TMEM196: variants seen among roughly 807,000 people sequenced by gnomAD.
The protein encoded by TMEM196 is transmembrane protein 196.
A neutral mutation model predicts 20.0 loss-of-function variants in TMEM196; 17 were observed. The ratio of observed to expected loss-of-function variants is 0.85; its 90% confidence interval spans 0.58 to 1.27. The LOEUF is 1.27. Among genes scored for constraint, TMEM196 ranks in the 50% most tolerant of loss-of-function variants. TMEM196 has a pLI of 0.00. For synonymous variants in TMEM196, 113 were observed against 88.9 expected (o/e 1.27, Z -1.52); for missense variants, 267 against 223.0 (o/e 1.20, Z -1.26).
chr7:19,722,473 A>G (rs910082622), intron 4 of TMEM196, among the ~76,000 whole-genome samples: 1 of 152,124 alleles, frequency 6.6e-6, no homozygotes, highest in Non-Finnish European at 1.5e-5. Flanking sequence ...AAGTTTTTCT[A>G]ATGCATAGAC....
At chr7:19,752,582 A>T (rs187387239) in intron 1 of TMEM196, among the ~76,000 whole-genome samples, 1 of 151,290 alleles carries the variant, frequency 6.6e-6, no homozygotes, top group East Asian at 2.0e-4. Context: ...TTCTCGTTCA[A>T]TTTTTTTAAT....
chr7:19,753,840 C>G (rs76846779), intron 1 of TMEM196, among the ~76,000 whole-genome samples: 1,786 of 152,300 alleles, frequency 0.012, 40 homozygotes, highest in African/African-American at 0.041. Flanking sequence ...TGGCCATTCT[C>G]AAGCTCTCAT....
intron 1 of TMEM196, among the ~76,000 whole-genome samples, chr7:19,730,711 T>C (rs1182294246): frequency 2.0e-5 from 3 of 152,204 alleles, no homozygotes; most frequent in South Asian, 2.1e-4. Context: ...TGAGATAATA[T>C]GCATGTGAGA....
chr7:19,751,965 G>C (rs899555911), intron 1 of TMEM196, among the ~76,000 whole-genome samples: 5 of 152,124 alleles, frequency 3.3e-5, no homozygotes, highest in Non-Finnish European at 7.4e-5. Flanking sequence ...TTCAAGGATT[G>C]TAAGTGGACT....
intron 1 of TMEM196, among the ~76,000 whole-genome samples, chr7:19,764,886 C>G (rs1785565194): frequency 6.6e-6 from 1 of 152,056 alleles, no homozygotes; most frequent in African/African-American, 2.4e-5. Context: ...TCCATGTATT[C>G]AAGGGTGGGG....
At chr7:19,760,170 A>G (rs1785380113) in intron 1 of TMEM196, among the ~76,000 whole-genome samples, 1 of 151,962 alleles carries the variant, frequency 6.6e-6, no homozygotes, top group African/African-American at 2.4e-5. Context: ...AACACACCAA[A>G]GCTTTCCTAT....
intron 1 of TMEM196, among the ~76,000 whole-genome samples, chr7:19,735,144 T>C (rs1041696441): frequency 2.0e-5 from 3 of 152,066 alleles, no homozygotes; most frequent in African/African-American, 7.2e-5. Flanking sequence ...GATTAAAAAG[T>C]CAAACTTTAA....
At chr7:19,727,037 C>T (rs1784023189) in intron 2 of TMEM196, among the ~76,000 whole-genome samples, 1 of 152,064 alleles carries the variant, frequency 6.6e-6, no homozygotes, top group Non-Finnish European at 1.5e-5. Flanking sequence ...TGTTGTAATT[C>T]CCCAGGTCAA....
At chr7:19,728,183 CCCT>C in intron 2 of TMEM196, among the ~76,000 whole-genome samples, 1 of 151,918 alleles carries the variant, frequency 6.6e-6, no homozygotes. Flanking sequence ...TTCCTTCCCT[CCCT>C]CCTCTTTCTT....
At chr7:19,731,091 CAAAGTAG>C (rs1784185569) in intron 1 of TMEM196, among the ~76,000 whole-genome samples, 1 of 151,810 alleles carries the variant, frequency 6.6e-6, no homozygotes, top group South Asian at 2.1e-4. Context: ...AGTAATAAAC[CAAAGTAG>C]AAAGTATTTA....
intron 1 of TMEM196, among the ~76,000 whole-genome samples, chr7:19,741,110 A>G (rs775710513): frequency 6.6e-6 from 1 of 152,166 alleles, no homozygotes; most frequent in Admixed American, 6.6e-5. Context: ...TGGATTGAAA[A>G]AGGAATTATG....
chr7:19,766,776 A>G (rs1047396141), intron 1 of TMEM196, among the ~76,000 whole-genome samples: 8 of 151,766 alleles, frequency 5.3e-5, no homozygotes, highest in Non-Finnish European at 1.0e-4. Context: ...GAAGCCAAGG[A>G]GAGACATTTC....
At chr7:19,761,482 CA>C (rs1785431450) in intron 1 of TMEM196, among the ~76,000 whole-genome samples, 1 of 150,764 alleles carries the variant, frequency 6.6e-6, no homozygotes, top group Admixed American at 6.6e-5. Context: ...TAATCAACTT[CA>C]TAGAAAAATA....
chr7:19,722,405 T>C (rs1387306167), intron 4 of TMEM196, among the ~76,000 whole-genome samples: 2 of 152,128 alleles, frequency 1.3e-5, no homozygotes, highest in Admixed American at 6.6e-5. Flanking sequence ...TCCTCTTTCT[T>C]TCTTCAACTC....
intron 1 of TMEM196, among the ~76,000 whole-genome samples, chr7:19,744,783 TTTGTA>T (rs1263968043): frequency 6.6e-6 from 1 of 152,190 alleles, no homozygotes; most frequent in Non-Finnish European, 1.5e-5. Flanking sequence ...TTTTCAAAAG[TTTGTA>T]ACACTGACTA....
chr7:19,762,709 T>C (rs1179681087), intron 1 of TMEM196, among the ~76,000 whole-genome samples: 1 of 152,148 alleles, frequency 6.6e-6, no homozygotes, highest in Non-Finnish European at 1.5e-5. Context: ...ATGTAGATGA[T>C]GAATTTAGTG....
At chr7:19,765,346 AT>A (rs1785585087) in intron 1 of TMEM196, among the ~76,000 whole-genome samples, 1 of 152,130 alleles carries the variant, frequency 6.6e-6, no homozygotes, top group Non-Finnish European at 1.5e-5. Context: ...GAGTTTTACT[AT>A]TGGTACTAAT....
At chr7:19,746,364 T>C (rs1409217479) in intron 1 of TMEM196, among the ~76,000 whole-genome samples, 1 of 152,224 alleles carries the variant, frequency 6.6e-6, no homozygotes, top group Non-Finnish European at 1.5e-5. Flanking sequence ...AGTAGAATCC[T>C]ATGAAATATA....
intron 1 of TMEM196, among the ~76,000 whole-genome samples, chr7:19,757,998 A>G (rs1045806256): frequency 6.6e-6 from 1 of 151,214 alleles, no homozygotes; most frequent in African/African-American, 2.4e-5. Context: ...CCCCAGGCAA[A>G]TGGTGTAGTA....
Sources: gnomAD v4.1 joint callset for allele counts (sites outside exome capture counted in the v4.1 genomes callset) on GRCh38, gnomAD v4.1.1 for gene constraint, MANE v1.5 for transcripts, NCBI Gene and HGNC (gene_info 2026-07-23, HGNC 2026-07-21) for gene names.